EPHA7: variants seen among roughly 807,000 people sequenced by gnomAD.
EPHA7 encodes the protein EPH receptor A7.
EPHA7 carries 25 observed loss-of-function variants against 112.6 expected under a neutral mutation model. The observed-to-expected ratio is 0.22, with a 90% CI of 0.16 to 0.31. The LOEUF is 0.31. Among genes scored for constraint, EPHA7 ranks in the 10% least tolerant of loss-of-function variants. The pLI, the probability that EPHA7 is intolerant of heterozygous loss-of-function variation, is 1.00. For missense variants in EPHA7, 962 were observed against 1,212.6 expected (o/e 0.79, Z 3.07); for synonymous variants, 437 against 406.5 (o/e 1.07, Z -0.90).
intron 5 of EPHA7, among the ~76,000 whole-genome samples, chr6:93,292,357 T>C (rs1365069685): frequency 6.6e-6 from 1 of 152,200 alleles, no homozygotes; most frequent in Non-Finnish European, 1.5e-5. Flanking sequence ...TACCTAATAT[T>C]TTAATTTTAC....
intron 15 of EPHA7, 138 bp from the exon 16 acceptor site, chr6:93,245,591 T>C (rs1298680284): frequency 1.2e-6 from 1 of 808,372 alleles, no homozygotes; most frequent in African/African-American, 1.8e-5. Context: ...TACATCGATA[T>C]GCTAATAAAA....
At chr6:93,294,583 C>G (rs929768715) in intron 5 of EPHA7, among the ~76,000 whole-genome samples, 1 of 151,862 alleles carries the variant, frequency 6.6e-6, no homozygotes, top group Non-Finnish European at 1.5e-5. Flanking sequence ...TTCTTTTTAA[C>G]AAATAGAACA....
At chr6:93,308,618 G>T (rs543886867) in intron 5 of EPHA7, among the ~76,000 whole-genome samples, 12 of 152,070 alleles carry the variant, frequency 7.9e-5, no homozygotes, top group Non-Finnish European at 1.6e-4. Context: ...TTTGTTAAAA[G>T]ATGTTTGAAT....
chr6:93,281,999 A>C (rs923237813), intron 5 of EPHA7, among the ~76,000 whole-genome samples: 6 of 152,006 alleles, frequency 3.9e-5, no homozygotes, highest in African/African-American at 1.4e-4. Context: ...ACAATTTTAC[A>C]TATATATGTC....
chr6:93,392,958 CTT>C (rs1472274331), intron 3 of EPHA7, among the ~76,000 whole-genome samples: 2 of 151,650 alleles, frequency 1.3e-5, no homozygotes, highest in Non-Finnish European at 2.9e-5. Flanking sequence ...ATTACATAAA[CTT>C]ATTTATTAAA....
At chr6:93,387,684 G>A (rs1338769208) in intron 3 of EPHA7, among the ~76,000 whole-genome samples, 2 of 152,036 alleles carry the variant, frequency 1.3e-5, no homozygotes, top group Non-Finnish European at 2.9e-5. Flanking sequence ...ATGGAGGAAG[G>A]GGAAACAGAC....
At chr6:93,264,314 G>T (rs1260253411) in intron 8 of EPHA7, among the ~76,000 whole-genome samples, 2 of 151,304 alleles carry the variant, frequency 1.3e-5, no homozygotes, top group Admixed American at 6.6e-5. Flanking sequence ...ATTTCCCCAG[G>T]TATATTCTAT....
chr6:93,352,615 C>T (rs973399673), intron 5 of EPHA7, among the ~76,000 whole-genome samples: 1 of 151,970 alleles, frequency 6.6e-6, no homozygotes, highest in Non-Finnish European at 1.5e-5. Flanking sequence ...AGAAGAGAAC[C>T]ATTCTTTACC....
At chr6:93,378,193 T>C (rs188444124) in intron 3 of EPHA7, among the ~76,000 whole-genome samples, 1 of 152,044 alleles carries the variant, frequency 6.6e-6, no homozygotes, top group Admixed American at 6.6e-5. Context: ...CTTGAGGCAA[T>C]GTCAAAGTGG....
intron 5 of EPHA7, among the ~76,000 whole-genome samples, chr6:93,355,538 C>A (rs971291011): frequency 6.6e-6 from 1 of 152,324 alleles, no homozygotes; most frequent in Middle Eastern, 3.4e-3. Flanking sequence ...ACACAACACA[C>A]TACTCTAGTA....
intron 14 of EPHA7, among the ~76,000 whole-genome samples, chr6:93,253,187 G>A (rs1770291609): frequency 6.6e-6 from 1 of 151,830 alleles, no homozygotes; most frequent in Non-Finnish European, 1.5e-5. Context: ...TCCAAATTTT[G>A]ACAGTCCATG....
Position 93,244,110 on chromosome 6 carries a change from A to G in EPHA7, c.2883-570T>C, listed in dbSNP as rs181714333. 4.2e-3 allele frequency among the ~76,000 whole-genome samples: 638 copies of G among 152,282 alleles called. 3 individuals carry two copies. The highest frequency in any genetic ancestry group is 0.015 in the African/African-American group (612 of 41,578). The stretch of plus-strand genomic sequence containing the variant: ...ACTATCTTTTAAAATGTACATCTAA[A>G]TTTAATAGCTTAAATTTGAATCAAG... On this transcript the variant is annotated intron_variant, in intron 16 of 16. Coordinates refer to ENST00000369303, the MANE Select transcript of EPHA7 (RefSeq NM_004440.4).
At position 93,407,159 on chromosome 6, in the gene EPHA7, G is replaced by A. The variant is rs143230840; in HGVS notation, c.832+3342C>T. On this transcript the variant is annotated intron_variant, in intron 3 of 16. Transcript: ENST00000369303. ...CATCAACTCATCAAACCTACAATCA[G>A]TTTTTTATAGTTATTTATATTTCAT... Among the ~76,000 whole-genome samples, 256 of 152,012 alleles carry A rather than the reference G, an allele frequency of 1.7e-3. 5 individuals are homozygous for A. The East Asian group carries it at 0.043, about 26-fold the overall frequency.
intron 5 of EPHA7, among the ~76,000 whole-genome samples, chr6:93,352,105 A>G (rs985149619): frequency 6.6e-6 from 1 of 152,120 alleles, no homozygotes; most frequent in African/African-American, 2.4e-5. Context: ...TTTTTTGTAC[A>G]GCTAGTATGC....
chr6:93,250,790 A>T (rs1362642459), intron 14 of EPHA7, among the ~76,000 whole-genome samples: 1 of 152,160 alleles, frequency 6.6e-6, no homozygotes, highest in Admixed American at 6.6e-5. Flanking sequence ...AATAAAATTC[A>T]TTCATAACCA....
At chr6:93,356,348 C>G (rs1775946207) in intron 5 of EPHA7, among the ~76,000 whole-genome samples, 1 of 152,058 alleles carries the variant, frequency 6.6e-6, no homozygotes, top group Admixed American at 6.6e-5. Context: ...ACTGGGACTA[C>G]AGGTGTGCAC....
intron 5 of EPHA7, among the ~76,000 whole-genome samples, chr6:93,291,752 A>G (rs1772386532): frequency 1.9e-5 from 2 of 105,488 alleles, no homozygotes; most frequent in African/African-American, 7.3e-5. Flanking sequence ...TGGGCGACAG[A>G]GCGAGACTCC....
At chr6:93,363,983 C>T (rs1255289160) in intron 3 of EPHA7, among the ~76,000 whole-genome samples, 3 of 152,050 alleles carry the variant, frequency 2.0e-5, no homozygotes, top group Non-Finnish European at 4.4e-5. Context: ...CATAAAATAT[C>T]CTAAATAGGC....
chr6:93,273,017 G>C (rs1771302146), intron 5 of EPHA7, among the ~76,000 whole-genome samples: 2 of 151,856 alleles, frequency 1.3e-5, no homozygotes, highest in African/African-American at 4.8e-5. Context: ...CTTAAATTAT[G>C]TGCATGAACA....
Sources: allele counts gnomAD v4.1 joint callset (sites outside exome capture counted in the v4.1 genomes callset), GRCh38; gene constraint gnomAD v4.1.1; transcripts MANE v1.5; gene names NCBI Gene and HGNC (gene_info 2026-07-23, HGNC 2026-07-21).